FSTL5: variants seen among roughly 807,000 people sequenced by gnomAD.
FSTL5 encodes the protein follistatin like 5.
A neutral mutation model predicts 89.1 loss-of-function variants in FSTL5; 62 were observed. The observed-to-expected ratio is 0.70, with a 90% CI of 0.57 to 0.86. FSTL5 has a LOEUF of 0.86. Among genes scored for constraint, FSTL5 ranks in the 40% least tolerant of loss-of-function variants. The pLI is 0.00. For synonymous variants in FSTL5, 383 were observed against 346.2 expected (o/e 1.11, Z -1.18); for missense variants, 1,057 against 1,001.6 (o/e 1.06, Z -0.75).
chr4:161,955,049 CG>C (rs33993840), intron 3 of FSTL5, among the ~76,000 whole-genome samples: 49,267 of 151,106 alleles, frequency 0.33, 9,691 homozygotes, highest in Non-Finnish European at 0.43. Flanking sequence ...AAATTGTACC[CG>C]CAGATTTTAC....
intron 4 of FSTL5, among the ~76,000 whole-genome samples, chr4:161,777,267 A>C (rs1273436283): frequency 6.6e-6 from 1 of 150,958 alleles, no homozygotes; most frequent in Non-Finnish European, 1.5e-5. Flanking sequence ...ATATACACAC[A>C]CCATATTTTC....
At chr4:161,465,332 T>C (rs1387780297) in intron 13 of FSTL5, among the ~76,000 whole-genome samples, 1 of 152,086 alleles carries the variant, frequency 6.6e-6, no homozygotes, top group African/African-American at 2.4e-5. Flanking sequence ...CCACTTAATT[T>C]AGGAAAAATG....
intron 3 of FSTL5, among the ~76,000 whole-genome samples, chr4:161,993,870 A>G (rs568803083): frequency 3.3e-5 from 5 of 152,198 alleles, no homozygotes; most frequent in Middle Eastern, 6.8e-3. Flanking sequence ...AATATTGACA[A>G]TTTTCACAGG....
At chr4:161,902,971 A>C (rs1733414312) in intron 4 of FSTL5, among the ~76,000 whole-genome samples, 1 of 152,196 alleles carries the variant, frequency 6.6e-6, no homozygotes, top group African/African-American at 2.4e-5. Flanking sequence ...AGATTTTCAT[A>C]ACTGCTTTTA....
intron 4 of FSTL5, among the ~76,000 whole-genome samples, chr4:161,780,917 T>C (rs1741642795): frequency 6.6e-6 from 1 of 152,090 alleles, no homozygotes; most frequent in Non-Finnish European, 1.5e-5. Flanking sequence ...AAGTACCAAT[T>C]CCCTTCAACA....
intron 6 of FSTL5, among the ~76,000 whole-genome samples, chr4:161,688,625 GT>G (rs1339854423): frequency 3.5e-4 from 53 of 152,120 alleles, no homozygotes; most frequent in African/African-American, 1.2e-3. Context: ...GTGTGTTATG[GT>G]TTCTCATTTA....
chr4:161,966,596 G>A (rs1046219587), intron 3 of FSTL5, among the ~76,000 whole-genome samples: 2 of 151,992 alleles, frequency 1.3e-5, no homozygotes, highest in Non-Finnish European at 2.9e-5. Flanking sequence ...ACACAATAAT[G>A]TACATAAAAA....
At chr4:161,461,330 C>A (rs6820813) in intron 13 of FSTL5, among the ~76,000 whole-genome samples, 46,061 of 143,066 alleles carry the variant, frequency 0.32, 8,040 homozygotes, top group Non-Finnish European at 0.39. Flanking sequence ...GGAGCTGTGG[C>A]GGGCGCCTGT....
At chr4:161,946,583 A>T (rs1477651358) in intron 3 of FSTL5, among the ~76,000 whole-genome samples, 3 of 151,900 alleles carry the variant, frequency 2.0e-5, no homozygotes, top group Non-Finnish European at 4.4e-5. Context: ...TTGCTCTTTC[A>T]TTTTTCATGG....
At chr4:161,715,453 C>A (rs1156802) in intron 6 of FSTL5, among the ~76,000 whole-genome samples, 3,002 of 152,132 alleles carry the variant, frequency 0.02, 101 homozygotes, top group African/African-American at 0.067. Context: ...GATCATTTAG[C>A]CTATATCCTT....
At chr4:161,581,021 C>A (rs1419329506) in intron 8 of FSTL5, among the ~76,000 whole-genome samples, 1 of 152,050 alleles carries the variant, frequency 6.6e-6, no homozygotes, top group Non-Finnish European at 1.5e-5. Context: ...TACCACCCCC[C>A]AAGCAAGAGC....
intron 5 of FSTL5, among the ~76,000 whole-genome samples, chr4:161,766,985 G>A (rs990344821): frequency 1.3e-4 from 20 of 151,910 alleles, no homozygotes; most frequent in Admixed American, 6.6e-4. Context: ...CAGGCCATTC[G>A]GTTACATGAC....
intron 3 of FSTL5, among the ~76,000 whole-genome samples, chr4:162,003,441 A>C (rs1736524460): frequency 6.6e-6 from 1 of 152,186 alleles, no homozygotes. Context: ...ATATTTTGGT[A>C]TCTCAACAGA....
At chr4:161,853,150 T>C (rs1731609576) in intron 4 of FSTL5, among the ~76,000 whole-genome samples, 1 of 152,254 alleles carries the variant, frequency 6.6e-6, no homozygotes, top group Non-Finnish European at 1.5e-5. Context: ...TTGTTGAGCT[T>C]ATCTGTTTTC....
At chr4:161,948,860 A>G in intron 3 of FSTL5, among the ~76,000 whole-genome samples, 1 of 152,136 alleles carries the variant, frequency 6.6e-6, no homozygotes. Flanking sequence ...GAATTTAGTG[A>G]TTTTTAAAAT....
intron 2 of FSTL5, among the ~76,000 whole-genome samples, chr4:162,103,096 T>C (rs1427195108): frequency 6.6e-6 from 1 of 152,104 alleles, no homozygotes; most frequent in Non-Finnish European, 1.5e-5. Context: ...TTGTCAAAGA[T>C]CAAAAGACGA....
At chr4:161,423,056 A>G (rs1484611455) in intron 15 of FSTL5, among the ~76,000 whole-genome samples, 1 of 152,204 alleles carries the variant, frequency 6.6e-6, no homozygotes, top group Non-Finnish European at 1.5e-5. Flanking sequence ...ATGAGAGACT[A>G]TAACTTTTTT....
At chr4:161,992,861 A>AT (rs1345067523) in intron 3 of FSTL5, among the ~76,000 whole-genome samples, 55 of 76,258 alleles carry the variant, frequency 7.2e-4, no homozygotes, top group African/African-American at 2.9e-3. Flanking sequence ...AAAAAAAAAA[A>AT]ATATATATAT....
At chr4:161,895,368 C>T (rs1263523612) in intron 4 of FSTL5, among the ~76,000 whole-genome samples, 1 of 152,008 alleles carries the variant, frequency 6.6e-6, no homozygotes, top group African/African-American at 2.4e-5. Flanking sequence ...CTTTTGAAAT[C>T]ATATTTAGGA....
Sources: allele counts gnomAD v4.1 joint callset (sites outside exome capture counted in the v4.1 genomes callset), GRCh38; gene constraint gnomAD v4.1.1; transcripts MANE v1.5; gene names NCBI Gene and HGNC (gene_info 2026-07-23, HGNC 2026-07-21).